The following ZEB1 variants were observed in gnomAD, a reference collection of about 807,000 sequenced individuals.
The protein encoded by ZEB1 is zinc finger E-box binding homeobox 1.
A neutral mutation model predicts 84.9 loss-of-function variants in ZEB1; 21 were observed. The ratio of observed to expected loss-of-function variants is 0.25; its 90% CI spans 0.18 to 0.36. ZEB1 has a LOEUF of 0.36. ZEB1 is among the 10% of genes least tolerant of loss of function. The pLI is 1.00. For synonymous variants in ZEB1, 420 were observed against 471.1 expected (o/e 0.89, Z 1.41); for missense variants, 1,104 against 1,330.2 (o/e 0.83, Z 2.65).
intron 2 of ZEB1, among the ~76,000 whole-genome samples, chr10:31,478,440 T>TTG (rs1037228452): frequency 1.3e-5 from 2 of 151,870 alleles, no homozygotes; most frequent in African/African-American, 4.8e-5. Context: ...GGAAAACAGT[T>TTG]TGGAGATTCC....
At chr10:31,485,129 T>G (rs1565075281) in intron 2 of ZEB1, among the ~76,000 whole-genome samples, 2 of 151,964 alleles carry the variant, frequency 1.3e-5, no homozygotes, top group East Asian at 1.9e-4. Flanking sequence ...CTCTTAAAAT[T>G]TAATGAATTA....
chr10:31,333,286 A>G (rs2037206170), intron 1 of ZEB1, among the ~76,000 whole-genome samples: 1 of 152,038 alleles, frequency 6.6e-6, no homozygotes. Flanking sequence ...TTTAATGTAA[A>G]GTCAGCAGTG....
chr10:31,475,212 A>G (rs57122097), intron 2 of ZEB1, among the ~76,000 whole-genome samples: 8,716 of 147,224 alleles, frequency 0.059, 696 homozygotes, highest in African/African-American at 0.2. Flanking sequence ...AAGTATAATA[A>G]TAAAAGAAAA....
intron 1 of ZEB1, among the ~76,000 whole-genome samples, chr10:31,376,004 A>G (rs937876611): frequency 2.0e-5 from 3 of 151,778 alleles, no homozygotes; most frequent in African/African-American, 7.2e-5. Flanking sequence ...ATTGACAATT[A>G]TAAATATGTA....
chr10:31,484,089 T>G (rs2065417800), intron 2 of ZEB1, among the ~76,000 whole-genome samples: 2 of 152,030 alleles, frequency 1.3e-5, no homozygotes, highest in African/African-American at 4.8e-5. Flanking sequence ...AGGTCAAGTT[T>G]GTTTCATATC....
At chr10:31,345,855 G>C (rs1192549848) in intron 1 of ZEB1, among the ~76,000 whole-genome samples, 1 of 152,102 alleles carries the variant, frequency 6.6e-6, no homozygotes, top group Non-Finnish European at 1.5e-5. Context: ...TAAAAAGAAA[G>C]AAATTCTTTT....
chr10:31,394,887 A>C (rs2050411209), intron 1 of ZEB1, among the ~76,000 whole-genome samples: 1 of 152,110 alleles, frequency 6.6e-6, no homozygotes, highest in African/African-American at 2.4e-5. Context: ...GGATGAAGAG[A>C]GGTGGGTATA....
chr10:31,359,081 T>C (rs1379895939), intron 1 of ZEB1, among the ~76,000 whole-genome samples: 2 of 152,160 alleles, frequency 1.3e-5, no homozygotes, highest in Admixed American at 6.5e-5. Context: ...TTGGCTGTTA[T>C]TTAGAATTGT....
At chr10:31,325,987 GTAGA>G (rs1442510269) in intron 1 of ZEB1, among the ~76,000 whole-genome samples, 7 of 126,668 alleles carry the variant, frequency 5.5e-5, no homozygotes, top group East Asian at 2.6e-4. Flanking sequence ...TTTTTTTTAA[GTAGA>G]TAGTGCTGAG....
At chr10:31,409,469 G>C (rs534900798) in intron 1 of ZEB1, among the ~76,000 whole-genome samples, 1 of 152,090 alleles carries the variant, frequency 6.6e-6, no homozygotes, top group Non-Finnish European at 1.5e-5. Flanking sequence ...TGTTCTTTTG[G>C]CTTAGGATTG....
At chr10:31,434,728 G>A (rs73260102) in intron 1 of ZEB1, among the ~76,000 whole-genome samples, 2,250 of 152,192 alleles carry the variant, frequency 0.015, 62 homozygotes, top group African/African-American at 0.051. Context: ...TAAACATGAA[G>A]GGATATAGTC....
intron 2 of ZEB1, among the ~76,000 whole-genome samples, chr10:31,485,714 A>T (rs1406590751): frequency 6.6e-6 from 1 of 151,744 alleles, no homozygotes; most frequent in Non-Finnish European, 1.5e-5. Context: ...GACCTCAGGA[A>T]ATATTTTTTT....
intron 1 of ZEB1, among the ~76,000 whole-genome samples, chr10:31,371,928 T>C (rs1299662936): frequency 1.3e-5 from 2 of 152,156 alleles, no homozygotes; most frequent in Non-Finnish European, 2.9e-5. Context: ...TTATATTCTC[T>C]TATATAATGC....
chr10:31,319,520 C>G, intron 1 of ZEB1: 1 of 550,752 alleles, frequency 1.8e-6, no homozygotes, highest in African/African-American at 2.0e-5. Flanking sequence ...CTTACCTGGT[C>G]TCTCTCCGCC....
chr10:31,368,793 G>C (rs948312698), intron 1 of ZEB1, among the ~76,000 whole-genome samples: 2 of 152,208 alleles, frequency 1.3e-5, no homozygotes, highest in African/African-American at 4.8e-5. Flanking sequence ...GTGGAGTAGG[G>C]AGTGAAAGTG....
intron 1 of ZEB1, among the ~76,000 whole-genome samples, chr10:31,370,699 A>G (rs2045542249): frequency 6.6e-6 from 1 of 152,122 alleles, no homozygotes; most frequent in Admixed American, 6.6e-5. Flanking sequence ...TTCCTAATAA[A>G]ATTGTATCTC....
intron 1 of ZEB1, among the ~76,000 whole-genome samples, chr10:31,452,032 C>T (rs1452082179): frequency 6.6e-6 from 1 of 152,084 alleles, no homozygotes; most frequent in Non-Finnish European, 1.5e-5. Flanking sequence ...ACCACCACCC[C>T]TTTTGCAGGG....
chr10:31,509,199 C>CAGATT (rs2069522281), intron 4 of ZEB1, among the ~76,000 whole-genome samples: 1 of 152,082 alleles, frequency 6.6e-6, no homozygotes, highest in African/African-American at 2.4e-5. Context: ...AGGGGGTGTA[C>CAGATT]AGATTCAGCA....
intron 1 of ZEB1, among the ~76,000 whole-genome samples, chr10:31,328,869 A>G (rs1407738006): frequency 1.3e-5 from 2 of 152,162 alleles, no homozygotes; most frequent in Non-Finnish European, 2.9e-5. Context: ...AGTCTAAGCA[A>G]CATGGAGTCT....
Sources: allele counts gnomAD v4.1 joint callset (sites outside exome capture counted in the v4.1 genomes callset), GRCh38; gene constraint gnomAD v4.1.1; transcripts MANE v1.5; gene names NCBI Gene and HGNC (gene_info 2026-07-23, HGNC 2026-07-21).